The following EYA2 variants were observed in gnomAD, a reference collection of about 807,000 sequenced individuals.
EYA2 encodes the protein EYA transcriptional coactivator and phosphatase 2, also known as protein phosphatase EYA2.
Under a neutral mutation model 69.2 loss-of-function variants are expected in EYA2, and 31 were observed. The ratio of observed to expected loss-of-function variants is 0.45; its 90% CI spans 0.34 to 0.60. The LOEUF (loss-of-function observed/expected upper bound fraction) is 0.60, where lower values mean the gene tolerates loss of function less well. Among genes scored for constraint, EYA2 ranks in the 20% least tolerant of loss-of-function variants. EYA2 has a pLI of 0.02. For missense variants in EYA2, 622 were observed against 701.2 expected, an observed-to-expected ratio of 0.89 and a Z score of 1.28; for synonymous variants, 257 against 279.4, an observed-to-expected ratio of 0.92 and a Z score of 0.80.
intron 1 of EYA2, among the ~76,000 whole-genome samples, chr20:46,966,742 G>C (rs529038271): frequency 1.3e-5 from 2 of 151,836 alleles, no homozygotes; most frequent in Non-Finnish European, 2.9e-5. Flanking sequence ...CCTGGGAGGC[G>C]GACCTTGCAG....
intron 2 of EYA2, among the ~76,000 whole-genome samples, chr20:46,999,027 G>A (rs1186708673): frequency 6.6e-6 from 1 of 152,126 alleles, no homozygotes; most frequent in African/African-American, 2.4e-5. Flanking sequence ...GAGGAACTGG[G>A]TGGAAGCTTG....
intron 1 of EYA2, among the ~76,000 whole-genome samples, chr20:46,943,168 C>T (rs535478945): frequency 1.3e-5 from 2 of 152,298 alleles, no homozygotes; most frequent in African/African-American, 4.8e-5. Context: ...GCTGTCACAT[C>T]TAGAGGGGAG....
chr20:47,002,081 T>C (rs1480582693), intron 3 of EYA2, among the ~76,000 whole-genome samples: 2 of 151,880 alleles, frequency 1.3e-5, no homozygotes, highest in African/African-American at 4.8e-5. Context: ...GGCTCCCTTC[T>C]TTCTATCCTT....
chr20:46,973,651 T>C (rs1980275055), intron 1 of EYA2, among the ~76,000 whole-genome samples: 1 of 152,188 alleles, frequency 6.6e-6, no homozygotes, highest in African/African-American at 2.4e-5. Flanking sequence ...GAGACACATT[T>C]GGAAAAACCG....
At chr20:47,076,455 C>A (rs1292169554) in intron 7 of EYA2, among the ~76,000 whole-genome samples, 1 of 152,048 alleles carries the variant, frequency 6.6e-6, no homozygotes, top group East Asian at 1.9e-4. Flanking sequence ...TCCCTAATGA[C>A]CAGTGATATT....
chr20:47,075,928 C>G (rs2031497048), intron 7 of EYA2, among the ~76,000 whole-genome samples: 1 of 152,188 alleles, frequency 6.6e-6, no homozygotes, highest in Non-Finnish European at 1.5e-5. Context: ...ATGTTTAGCT[C>G]CCACTTATAA....
intron 10 of EYA2, among the ~76,000 whole-genome samples, chr20:47,144,580 T>A (rs1403759232): frequency 6.6e-6 from 1 of 152,204 alleles, no homozygotes; most frequent in Non-Finnish European, 1.5e-5. Context: ...TTCTTTCTAG[T>A]CTGCAGGCTG....
At position 47,172,790 on chromosome 20, in the gene EYA2, T is replaced by G. The variant is rs1600769301; in HGVS notation, c.1121T>G (p.Val374Gly). Residue 374 changes from valine to glycine, a missense_variant, in exon 12 of 16, where the codon GTG becomes GGG. Coordinates refer to ENST00000327619, the MANE Select transcript of EYA2 (RefSeq NM_005244.5). ...CTGGGCTCTGGCGTGCACGGCGGCGTGGACTGGATGAGGAAGCTGGCCTTC... is the reference window on the plus strand; with the variant it reads ...CTGGGCTCTGGCGTGCACGGCGGCGGGGACTGGATGAGGAAGCTGGCCTTC... Reference protein sequence around the residue: ...LCLGSGVHGGVDWMRKLAFRY... With the variant: ...LCLGSGVHGGGDWMRKLAFRY... 4 of 1,613,916 alleles carry G rather than the reference T, an allele frequency of 2.5e-6. No homozygotes were observed. The highest frequency in any genetic ancestry group is 3.4e-6 in the Non-Finnish European group (4 of 1,180,004).
At chr20:47,108,874 G>T (rs2032669380) in intron 9 of EYA2, among the ~76,000 whole-genome samples, 1 of 152,000 alleles carries the variant, frequency 6.6e-6, no homozygotes, top group South Asian at 2.1e-4. Context: ...TTCTTAAGGA[G>T]CCCCTCTGGC....
In EYA2 at chr20:47,167,332, C is replaced by T. The variant is rs3091675; in HGVS notation, c.979-1807C>T. ...AGTCTCGCTCTGTCGCCCAGGCTGG[C>T]GTGCAGTGGTGTGATCTCAGCTCAC... On this transcript the variant is annotated intron_variant, in intron 10 of 15. Transcript: ENST00000327619. Among the ~76,000 whole-genome samples the T allele has an allele frequency of 2.4e-4, 35 of 143,776 alleles. 1 individual carries two copies. Among genetic ancestry groups the T allele is most frequent in the Admixed American group, 2.4e-3 (34 of 14,294 alleles). The allele number at this position is 143,776 out of a possible 152,430, so 94.3% of individuals were successfully genotyped here. A position where few individuals can be genotyped will look rare whatever the true frequency, so the allele number is the denominator to read the frequency against.
intron 1 of EYA2, among the ~76,000 whole-genome samples, chr20:46,962,930 C>A (rs1157060240): frequency 6.6e-6 from 1 of 152,242 alleles, no homozygotes; most frequent in Non-Finnish European, 1.5e-5. Flanking sequence ...TCCAAAGCAC[C>A]AGAGTGAATG....
At chr20:46,946,002 G>A (rs551073053) in intron 1 of EYA2, among the ~76,000 whole-genome samples, 1 of 152,340 alleles carries the variant, frequency 6.6e-6, no homozygotes, top group East Asian at 1.9e-4. Flanking sequence ...CAACCCAAGA[G>A]GGTCTGAAAC....
chr20:47,186,908 A>G (rs2034654480), intron 15 of EYA2, among the ~76,000 whole-genome samples: 2 of 152,126 alleles, frequency 1.3e-5, no homozygotes, highest in Admixed American at 6.5e-5. Context: ...TTTGTCCTGC[A>G]TCCTTCCTTT....
intron 1 of EYA2, among the ~76,000 whole-genome samples, chr20:46,975,669 C>T (rs1195774390): frequency 1.3e-5 from 2 of 152,188 alleles, no homozygotes; most frequent in Non-Finnish European, 1.5e-5. Flanking sequence ...AATCCTAGCA[C>T]TTTGGGAGGC....
chr20:47,117,370 G>A, intron 9 of EYA2: 2 of 985,374 alleles, frequency 2.0e-6, no homozygotes, highest in African/African-American at 3.5e-5. Context: ...TGTGAGGTGA[G>A]ATGGAGCCCC....
chr20:47,112,862 C>CTTTTTT lies in EYA2; in HGVS notation c.888+15716_888+15721dup, dbSNP rs11473217. ...CAAAAGTTAGATTTCATGTTCACTCCTTTTTTTTTTTTTTTTTTTTTTTTT... is the reference window on the plus strand; with the variant it reads ...CAAAAGTTAGATTTCATGTTCACTCCTTTTTTTTTTTTTTTTTTTTTTTTTTTTTTT... On this transcript the variant is annotated intron_variant, in intron 9 of 15. Transcript: ENST00000327619. Among the ~76,000 whole-genome samples the CTTTTTT allele has an allele frequency of 5.2e-4, 29 of 55,836 alleles. 4 individuals carry two copies. The highest frequency in any genetic ancestry group is 1.1e-3 in the African/African-American group (20 of 17,634). The allele number at this position is 55,836 out of a possible 152,430, so 36.6% of individuals were successfully genotyped here. A position where few individuals can be genotyped will look rare whatever the true frequency, so the allele number is the denominator to read the frequency against.
At position 47,117,559 on chromosome 20, in the gene EYA2, G is replaced by A. The variant is rs1002052712; in HGVS notation, c.888+20391G>A. 3.0e-6 allele frequency: 3 copies of A among 985,304 alleles called. No individual in the cohort carries two copies. The African/African-American group carries it at 5.2e-5, about 17-fold the overall frequency. The allele number at this position is 985,304 out of a possible 1,614,324, so 61.0% of individuals were successfully genotyped here. ...CTTGGATTCCGGAATCCAGAACCCA[G>A]CACAGGACTGTAGGGATTCAATCAG... On this transcript the variant is annotated intron_variant, in intron 9 of 15. Transcript: ENST00000327619.
Position 47,057,510 on chromosome 20 carries a change from A to ACG in EYA2, c.416-14674_416-14673insGC, listed in dbSNP as rs1344107214. On this transcript the variant is annotated intron_variant, in intron 5 of 15. Transcript: ENST00000327619. ...TTATCTGCTGACTACTTTTTATATCACCCCCCCCCCCCATCTCATACCTCC... is the reference window on the plus strand; with the variant it reads ...TTATCTGCTGACTACTTTTTATATCACGCCCCCCCCCCCCATCTCATACCTCC... Among the ~76,000 whole-genome samples the ACG allele has an allele frequency of 9.7e-4, 92 of 94,836 alleles. 3 individuals carry two copies. Among genetic ancestry groups the ACG allele is most frequent in the African/African-American group, 2.9e-3 (86 of 29,520 alleles). The allele number at this position is 94,836 out of a possible 152,430, so 62.2% of individuals were successfully genotyped here. A position where few individuals can be genotyped will look rare whatever the true frequency, so the allele number is the denominator to read the frequency against.
At chr20:47,017,716 T>C (rs1983495357) in intron 5 of EYA2, among the ~76,000 whole-genome samples, 1 of 152,184 alleles carries the variant, frequency 6.6e-6, no homozygotes, top group Non-Finnish European at 1.5e-5. Flanking sequence ...TGCCAGGTGA[T>C]GCTCTGTGGG....
Sources: allele counts gnomAD v4.1 joint callset (sites outside exome capture counted in the v4.1 genomes callset), GRCh38; gene constraint gnomAD v4.1.1; transcripts MANE v1.5; gene names NCBI Gene and HGNC (gene_info 2026-07-23, HGNC 2026-07-21).